LRRC4C: variants seen among roughly 807,000 people sequenced by gnomAD.
LRRC4C encodes leucine-rich repeat-containing protein 4C.
A neutral mutation model predicts 33.6 loss-of-function variants in LRRC4C; 5 were observed. That is an observed-to-expected ratio of 0.15 (90% CI 0.08 to 0.31). LRRC4C has a LOEUF of 0.31. Among genes scored for constraint, LRRC4C ranks in the 10% least tolerant of loss-of-function variants. The probability of loss-of-function intolerance (pLI) is 1.00; values close to 1 mark genes in which losing one functional copy is unlikely to be tolerated. For missense variants in LRRC4C, 560 were observed against 796.7 expected (o/e 0.70, Z 3.58); for synonymous variants, 329 against 302.0 (o/e 1.09, Z -0.93).
chr11:41,382,594 G>T (rs1953197729), intron 1 of LRRC4C, among the ~76,000 whole-genome samples: 1 of 152,012 alleles, frequency 6.6e-6, no homozygotes, highest in Non-Finnish European at 1.5e-5. Flanking sequence ...GAAAGAAAAT[G>T]ATTTTACATG....
At chr11:40,908,560 C>A (rs1265442059) in intron 2 of LRRC4C, among the ~76,000 whole-genome samples, 1 of 151,782 alleles carries the variant, frequency 6.6e-6, no homozygotes, top group Non-Finnish European at 1.5e-5. Context: ...AATTAAAAAC[C>A]TCCGAAGAAG....
chr11:40,922,679 A>G (rs886864612), intron 2 of LRRC4C, among the ~76,000 whole-genome samples: 4 of 152,196 alleles, frequency 2.6e-5, no homozygotes, highest in Non-Finnish European at 5.9e-5. Context: ...TTCTTTGGCA[A>G]ATTGGAAAGT....
chr11:40,283,058 A>G (rs1452463), intron 4 of LRRC4C, among the ~76,000 whole-genome samples: 149,370 of 152,350 alleles, frequency 0.98, 73,289 homozygotes, highest in Middle Eastern at 1. Context: ...ACTGTGAGGC[A>G]TGTGCAATGC....
intron 1 of LRRC4C, among the ~76,000 whole-genome samples, chr11:41,250,769 G>A (rs2136640600): frequency 6.6e-6 from 1 of 152,282 alleles, no homozygotes; most frequent in Non-Finnish European, 1.5e-5. Context: ...ACTTGACGTG[G>A]TTCAAAATGC....
chr11:40,316,248 T>C (rs1301562055), intron 4 of LRRC4C, among the ~76,000 whole-genome samples: 1 of 152,008 alleles, frequency 6.6e-6, no homozygotes, highest in Non-Finnish European at 1.5e-5. Flanking sequence ...ATAGATATGT[T>C]TTCAGAAATA....
intron 1 of LRRC4C, among the ~76,000 whole-genome samples, chr11:41,136,900 A>G (rs1489763657): frequency 6.6e-6 from 1 of 152,188 alleles, no homozygotes; most frequent in African/African-American, 2.4e-5. Context: ...GATATTGCCT[A>G]CATAAATTTT....
At chr11:40,521,346 G>A (rs1955803341) in intron 3 of LRRC4C, among the ~76,000 whole-genome samples, 1 of 152,210 alleles carries the variant, frequency 6.6e-6, no homozygotes, top group Non-Finnish European at 1.5e-5. Flanking sequence ...TGAATAGTGA[G>A]TAATAAGAAA....
intron 2 of LRRC4C, among the ~76,000 whole-genome samples, chr11:40,909,077 T>C (rs958430621): frequency 1.3e-5 from 2 of 152,150 alleles, no homozygotes; most frequent in African/African-American, 4.8e-5. Context: ...ATTTTCTTTA[T>C]ATAACAGACA....
intron 3 of LRRC4C, among the ~76,000 whole-genome samples, chr11:40,569,580 A>T (rs1426400770): frequency 6.6e-6 from 1 of 152,082 alleles, no homozygotes; most frequent in Non-Finnish European, 1.5e-5. Flanking sequence ...ATATATATAT[A>T]TTTTAATTAA....
At chr11:40,513,545 G>A (rs1448300414) in intron 3 of LRRC4C, among the ~76,000 whole-genome samples, 1 of 152,114 alleles carries the variant, frequency 6.6e-6, no homozygotes, top group Admixed American at 6.5e-5. Flanking sequence ...TGAGAGCCTT[G>A]CTTTGTCTTC....
intron 2 of LRRC4C, among the ~76,000 whole-genome samples, chr11:40,798,807 C>G (rs924934655): frequency 1.3e-5 from 2 of 151,948 alleles, no homozygotes; most frequent in Non-Finnish European, 2.9e-5. Flanking sequence ...CCATACTCAG[C>G]TAGTTTTTGC....
chr11:41,130,444 C>T (rs181824227), intron 1 of LRRC4C, among the ~76,000 whole-genome samples: 38 of 152,066 alleles, frequency 2.5e-4, no homozygotes, highest in South Asian at 1.0e-3. Flanking sequence ...GGTTATGTTG[C>T]TTCTCTGCCT....
chr11:40,267,962 C>T (rs764976903), intron 4 of LRRC4C, among the ~76,000 whole-genome samples: 1 of 152,180 alleles, frequency 6.6e-6, no homozygotes, highest in Non-Finnish European at 1.5e-5. Context: ...CTTCATTGCT[C>T]TCCTTGTGCC....
intron 3 of LRRC4C, among the ~76,000 whole-genome samples, chr11:40,353,693 G>T: frequency 6.6e-6 from 1 of 152,268 alleles, no homozygotes; most frequent in Middle Eastern, 3.4e-3. Flanking sequence ...CAGCCTGGGC[G>T]ATACAGCGAG....
At chr11:41,115,951 A>T (rs1942099330) in intron 1 of LRRC4C, among the ~76,000 whole-genome samples, 1 of 152,070 alleles carries the variant, frequency 6.6e-6, no homozygotes, top group Non-Finnish European at 1.5e-5. Flanking sequence ...CCTGTTCCAA[A>T]GGTGAGTCCA....
intron 3 of LRRC4C, among the ~76,000 whole-genome samples, chr11:40,484,711 T>C (rs1953765625): frequency 6.6e-6 from 1 of 152,094 alleles, no homozygotes; most frequent in African/African-American, 2.4e-5. Flanking sequence ...TAAATGTATA[T>C]AAAATTTCTA....
chr11:40,739,699 T>C (rs1213162789), intron 2 of LRRC4C, among the ~76,000 whole-genome samples: 1 of 151,948 alleles, frequency 6.6e-6, no homozygotes, highest in Non-Finnish European at 1.5e-5. Flanking sequence ...CTGATACGGT[T>C]ATAAGCATCT....
intron 1 of LRRC4C, among the ~76,000 whole-genome samples, chr11:41,030,858 C>T (rs1161475610): frequency 6.6e-6 from 1 of 151,642 alleles, no homozygotes; most frequent in Admixed American, 6.6e-5. Context: ...TGTAGTTATA[C>T]ACACTCTAAA....
At chr11:40,468,550 A>G (rs1952767917) in intron 3 of LRRC4C, among the ~76,000 whole-genome samples, 2 of 147,670 alleles carry the variant, frequency 1.4e-5, no homozygotes, top group Admixed American at 1.3e-4. Flanking sequence ...TAGCCTAGCT[A>G]GGTTGACTTA....
Sources: gnomAD v4.1 joint callset for allele counts (sites outside exome capture counted in the v4.1 genomes callset) on GRCh38, gnomAD v4.1.1 for gene constraint, MANE v1.5 for transcripts, NCBI Gene and HGNC (gene_info 2026-07-23, HGNC 2026-07-21) for gene names.